The following ICA1 variants were observed in gnomAD, a reference collection of about 807,000 sequenced individuals.
The protein encoded by ICA1 is islet cell autoantigen 1, also known as 69 kDa islet cell autoantigen.
ICA1 carries 40 observed loss-of-function variants against 71.0 expected under a neutral mutation model. The observed-to-expected ratio is 0.56, with a 90% CI of 0.44 to 0.73. The LOEUF is 0.73. Ranked by LOEUF, ICA1 falls within the 30% of genes least tolerant of loss-of-function variation. The pLI, the probability that ICA1 is intolerant of heterozygous loss-of-function variation, is 0.00. For missense variants in ICA1, 578 were observed against 576.5 expected (o/e 1.00, Z -0.03); for synonymous variants, 207 against 209.5 (o/e 0.99, Z 0.10).
chr7:8,180,021 G>A (rs1023521697), intron 6 of ICA1, among the ~76,000 whole-genome samples: 3 of 151,378 alleles, frequency 2.0e-5, no homozygotes, highest in Non-Finnish European at 2.9e-5. Flanking sequence ...CTTAGATTTT[G>A]TTGTTGTTGT....
chr7:8,261,467 G>C (rs887417292), intron 1 of ICA1, among the ~76,000 whole-genome samples: 1 of 152,174 alleles, frequency 6.6e-6, no homozygotes, highest in Non-Finnish European at 1.5e-5. Context: ...TGCTGGAACC[G>C]GGGTTGCTTA....
rs1013231876 is a variant in ICA1 at position 8,234,873 on chromosome 7, T to C, written c.17+1037A>G. On this transcript the variant is annotated intron_variant, in intron 2 of 13. Transcript: ENST00000402384. The surrounding 1 kb of genome is among the most constrained non-coding windows in gnomAD (Gnocchi z 4.5). Reference sequence around the variant, plus strand: ...GCATTCTCAAGAGTGGGCCATAGAATGGATTTCTTTGGCCGGGCGCGGTGG... The same window carrying C: ...GCATTCTCAAGAGTGGGCCATAGAACGGATTTCTTTGGCCGGGCGCGGTGG... Among the ~76,000 whole-genome samples the C allele has an allele frequency of 5.3e-5, 8 of 152,242 alleles. No homozygotes were observed. Among genetic ancestry groups the C allele is most frequent in the Middle Eastern group, 3.4e-3 (1 of 294 alleles).
chr7:8,226,972 C>T lies in ICA1; in HGVS notation c.256+1629G>A, dbSNP rs987511787. ...AGAATCACTATTTACAGGAAATATG[C>T]AAGCATCCTTCTTTTCTTCCCTTGT... On this transcript the variant is annotated intron_variant, in intron 4 of 13. Coordinates refer to ENST00000402384, the MANE Select transcript of ICA1 (RefSeq NM_001136020.3). This position sits in a 1 kb window ranked among gnomAD's most constrained non-coding sequence, Gnocchi z 4.4. Among the ~76,000 whole-genome samples the T allele has an allele frequency of 9.9e-5, 15 of 152,280 alleles. No homozygotes were observed. Among genetic ancestry groups the T allele is most frequent in the African/African-American group, 3.4e-4 (14 of 41,574 alleles).
chr7:8,122,967 G>A (rs1001464729), intron 13 of ICA1, among the ~76,000 whole-genome samples: 68 of 152,092 alleles, frequency 4.5e-4, no homozygotes, highest in Non-Finnish European at 2.9e-4. Flanking sequence ...TGAGAACATC[G>A]ACTCTGAGGC....
At chr7:8,219,651 T>A (rs942807776) in intron 5 of ICA1, among the ~76,000 whole-genome samples, 5 of 152,264 alleles carry the variant, frequency 3.3e-5, no homozygotes, top group Non-Finnish European at 5.9e-5. Context: ...TGTTGTGCCA[T>A]AAAGTAAGCT....
At chr7:8,202,977 T>C (rs1790252819) in intron 6 of ICA1, among the ~76,000 whole-genome samples, 1 of 152,224 alleles carries the variant, frequency 6.6e-6, no homozygotes, top group Admixed American at 6.5e-5. Flanking sequence ...GGCAAATTCC[T>C]TGTGATTAAC....
rs189844835 is a variant in ICA1, at chr7:8,238,945, T to C, written c.-79-2940A>G. ...TGGGAATCTAGTTTTATAATAGGCT[T>C]TGCAAGTCATTCTTAAGCACATTAA... On this transcript the variant is annotated intron_variant, in intron 1 of 13. Coordinates refer to ENST00000402384, the MANE Select transcript of ICA1 (RefSeq NM_001136020.3). 8.5e-4 allele frequency among the ~76,000 whole-genome samples: 130 copies of C among 152,320 alleles called. No individual in the cohort carries two copies. In the Middle Eastern group the frequency reaches 0.01, roughly 12 times the overall value.
At chr7:8,193,493 G>A (rs1585084031) in intron 6 of ICA1, among the ~76,000 whole-genome samples, 1 of 152,282 alleles carries the variant, frequency 6.6e-6, no homozygotes, top group Middle Eastern at 3.4e-3. Flanking sequence ...AAAAAGAGAC[G>A]ACGTCTGCTA....
chr7:8,136,841 G>A (rs1793590569), intron 12 of ICA1, among the ~76,000 whole-genome samples: 1 of 152,148 alleles, frequency 6.6e-6, no homozygotes, highest in African/African-American at 2.4e-5. Flanking sequence ...ATAAACCAAT[G>A]AAATATGAAA....
rs1423072513 is a variant in ICA1, at chr7:8,146,874, ACACACACG to A, written c.805-2910_805-2903del. ...TATTCATGTACACACACACACACAC[ACACACACG>A]CACACACACACACACACACACACAC... On this transcript the variant is annotated intron_variant, in intron 8 of 13. Transcript: ENST00000402384. Among the ~76,000 whole-genome samples, 6 of 126,402 alleles carry A rather than the reference ACACACACG, an allele frequency of 4.7e-5. No individual in the cohort carries two copies. In the East Asian group the frequency reaches 1.7e-3, roughly 36 times the overall value. 82.9% of individuals were successfully genotyped at this position (126,402 alleles called of 152,430 possible).
At chr7:8,237,850 ACAC>A (rs1463883778) in intron 1 of ICA1, among the ~76,000 whole-genome samples, 1 of 151,494 alleles carries the variant, frequency 6.6e-6, no homozygotes, top group East Asian at 1.9e-4. Flanking sequence ...ACACACACAC[ACAC>A]CATTTTCTTT....
intron 6 of ICA1, among the ~76,000 whole-genome samples, chr7:8,217,748 C>T (rs1795848874): frequency 6.6e-6 from 1 of 152,192 alleles, no homozygotes; most frequent in Non-Finnish European, 1.5e-5. Context: ...TTCTTTACTG[C>T]TCACCAAATC....
rs867081319 is a variant in ICA1 at position 8,207,119 on chromosome 7, C to T, written c.579+11186G>A. The stretch of plus-strand genomic sequence containing the variant: ...CAATGTCAGCAGTCACCAACAGAAC[C>T]ACAGTGAGGAATCAGCATCTAAATG... On this transcript the variant is annotated intron_variant, in intron 6 of 13. Transcript: ENST00000402384. Among the ~76,000 whole-genome samples, 27 of 152,286 alleles carry T rather than the reference C, an allele frequency of 1.8e-4. No individual in the cohort carries two copies. In the Middle Eastern group the frequency reaches 0.014, roughly 77 times the overall value.
chr7:8,213,271 T>C (rs1027493877), intron 6 of ICA1, among the ~76,000 whole-genome samples: 2 of 152,190 alleles, frequency 1.3e-5, no homozygotes, highest in African/African-American at 2.4e-5. Context: ...GAGCAGATAA[T>C]GGAATAAGCC....
intron 8 of ICA1, among the ~76,000 whole-genome samples, chr7:8,153,097 C>T (rs900980141): frequency 1.4e-4 from 21 of 152,314 alleles, no homozygotes; most frequent in African/African-American, 5.1e-4. Flanking sequence ...ACCACTCACG[C>T]CTCTCTCACT....
chr7:8,117,136 C>T (rs1053187672), intron 13 of ICA1, among the ~76,000 whole-genome samples: 5 of 152,216 alleles, frequency 3.3e-5, no homozygotes, highest in Non-Finnish European at 7.3e-5. Flanking sequence ...TTGTGAAGAA[C>T]ATACTTTGCT....
intron 6 of ICA1, among the ~76,000 whole-genome samples, chr7:8,206,022 C>G (rs1791417729): frequency 6.6e-6 from 1 of 151,792 alleles, no homozygotes; most frequent in South Asian, 2.1e-4. Flanking sequence ...CCCCTTCGTT[C>G]TTTTTTGGGA....
intron 6 of ICA1, among the ~76,000 whole-genome samples, chr7:8,182,303 G>A (rs1206194917): frequency 2.6e-5 from 4 of 152,126 alleles, no homozygotes; most frequent in African/African-American, 9.7e-5. Flanking sequence ...CATTTCAATT[G>A]CTTGATTAAT....
At chr7:8,237,819 GACACACACACACAC>G (rs57343882) in intron 1 of ICA1, among the ~76,000 whole-genome samples, 5 of 142,166 alleles carry the variant, frequency 3.5e-5, no homozygotes, top group African/African-American at 7.6e-5. Context: ...GTTGAAGACA[GACACACACACACAC>G]ACACACACAC....
Sources: gnomAD v4.1 joint callset for allele counts (sites outside exome capture counted in the v4.1 genomes callset) on GRCh38, gnomAD v4.1.1 for gene constraint, Gnocchi (gnomAD v3.1) non-coding constraint, MANE v1.5 for transcripts, NCBI Gene and HGNC (gene_info 2026-07-23, HGNC 2026-07-21) for gene names.